The following ESRRG variants were observed in gnomAD, a reference collection of about 807,000 sequenced individuals.
The protein encoded by ESRRG is estrogen related receptor gamma, also known as estrogen-related receptor gamma.
A neutral mutation model predicts 44.0 loss-of-function variants in ESRRG; 13 were observed. The ratio of observed to expected loss-of-function variants is 0.30; its 90% CI spans 0.19 to 0.47. ESRRG has a LOEUF of 0.47. Among genes scored for constraint, ESRRG ranks in the 20% least tolerant of loss-of-function variants. The pLI, the probability that ESRRG is intolerant of heterozygous loss-of-function variation, is 1.00. For synonymous variants in ESRRG, 215 were observed against 214.6 expected, an observed-to-expected ratio of 1.00 and a Z score of -0.02; for missense variants, 395 against 580.6, an observed-to-expected ratio of 0.68 and a Z score of 3.29.
chr1:216,740,184 T>C (rs532432719), intron 2 of ESRRG, among the ~76,000 whole-genome samples: 3 of 152,224 alleles, frequency 2.0e-5, no homozygotes, highest in Non-Finnish European at 4.4e-5. Context: ...GTCTTCTATA[T>C]AATGAAATGC....
Position 216,721,931 on chromosome 1 carries a change from C to T in ESRRG, c.56+1313G>A, listed in dbSNP as rs573385028. ...ACAGCCTTATAATCTTTCAGTTCCTCCTAAATCCATCTCTTGGCTAATATT... is the reference window on the plus strand; with the variant it reads ...ACAGCCTTATAATCTTTCAGTTCCTTCTAAATCCATCTCTTGGCTAATATT... On this transcript the variant is annotated intron_variant, in intron 1 of 6. Transcript: ENST00000408911. 7.2e-5 allele frequency among the ~76,000 whole-genome samples: 11 copies of T among 152,308 alleles called. No homozygotes were observed. In the South Asian group the frequency reaches 8.3e-4, roughly 11 times the overall value.
chr1:217,124,629 T>C (rs935298788), intron 1 of ESRRG, among the ~76,000 whole-genome samples: 1 of 152,120 alleles, frequency 6.6e-6, no homozygotes, highest in Non-Finnish European at 1.5e-5. Flanking sequence ...CACTCTTGAG[T>C]TATCTGAACA....
chr1:216,536,981 G>A (rs573878730), intron 5 of ESRRG, among the ~76,000 whole-genome samples: 1 of 152,036 alleles, frequency 6.6e-6, no homozygotes, highest in African/African-American at 2.4e-5. Flanking sequence ...GGGAGAGGGG[G>A]TCAAGGAAAG....
intron 2 of ESRRG, among the ~76,000 whole-genome samples, chr1:216,815,991 C>A (rs1482930068): frequency 6.6e-6 from 1 of 152,132 alleles, no homozygotes; most frequent in Non-Finnish European, 1.5e-5. Context: ...GCCTGGATAC[C>A]AAATGGCTCA....
intron 2 of ESRRG, among the ~76,000 whole-genome samples, chr1:216,874,955 A>G (rs1413836706): frequency 1.3e-5 from 2 of 152,174 alleles, no homozygotes; most frequent in African/African-American, 4.8e-5. Flanking sequence ...GTGGTTTGCC[A>G]GGGGCTCTTG....
chr1:217,135,194 C>A (rs2093031803), intron 1 of ESRRG, among the ~76,000 whole-genome samples: 1 of 152,000 alleles, frequency 6.6e-6, no homozygotes, highest in Non-Finnish European at 1.5e-5. Flanking sequence ...TCCCCCAGCG[C>A]GCGGGGCAGC....
At chr1:216,627,998 ATTT>A (rs1392394186) in intron 3 of ESRRG, among the ~76,000 whole-genome samples, 1 of 152,162 alleles carries the variant, frequency 6.6e-6, no homozygotes, top group African/African-American at 2.4e-5. Flanking sequence ...CTAGACAGTT[ATTT>A]TACAATATTC....
At chr1:217,108,039 T>C (rs900329027) in intron 1 of ESRRG, among the ~76,000 whole-genome samples, 1 of 152,040 alleles carries the variant, frequency 6.6e-6, no homozygotes, top group African/African-American at 2.4e-5. Flanking sequence ...CCCCATAACC[T>C]ACCAAATTAA....
At chr1:216,672,045 A>G (rs35941999) in intron 2 of ESRRG, among the ~76,000 whole-genome samples, 11 of 102,360 alleles carry the variant, frequency 1.1e-4, no homozygotes, top group East Asian at 2.5e-4. Context: ...AAGGAAAGAA[A>G]GAAGGAAGGA....
At chr1:217,027,195 T>C (rs1438320132) in intron 1 of ESRRG, among the ~76,000 whole-genome samples, 1 of 152,164 alleles carries the variant, frequency 6.6e-6, no homozygotes, top group Non-Finnish European at 1.5e-5. Flanking sequence ...CTAATGTCTA[T>C]AGTAATTCCA....
intron 2 of ESRRG, among the ~76,000 whole-genome samples, chr1:216,814,636 G>C (rs185599381): frequency 6.6e-6 from 1 of 152,030 alleles, no homozygotes; most frequent in Non-Finnish European, 1.5e-5. Flanking sequence ...TTTGAAATGC[G>C]CTTTTTGCTC....
At chr1:217,087,195 T>C (rs1237312919) in intron 1 of ESRRG, among the ~76,000 whole-genome samples, 2 of 152,306 alleles carry the variant, frequency 1.3e-5, no homozygotes, top group African/African-American at 4.8e-5. Flanking sequence ...AACTGAAATG[T>C]CCCTGTAAAC....
intron 3 of ESRRG, among the ~76,000 whole-genome samples, chr1:216,630,440 G>A (rs564328893): frequency 0.022 from 2,695 of 124,402 alleles, 34 homozygotes; most frequent in East Asian, 0.039. Context: ...GCACATGTGC[G>A]TGTGAACACA....
In ESRRG at chr1:216,526,815, G is replaced by T. The variant is rs116254195; in HGVS notation, c.863-7394C>A. On this transcript the variant is annotated intron_variant, in intron 5 of 6. Coordinates refer to ENST00000408911, the MANE Select transcript of ESRRG (RefSeq NM_001438.4). ...ACCTCAGACAAAATCCATGGACTGG[G>T]AGTAAATAGACCTAGAATTGGGTGC... Among the ~76,000 whole-genome samples, 1,225 of 152,250 alleles carry T rather than the reference G, an allele frequency of 8.0e-3. 11 individuals are homozygous for T. The highest frequency in any genetic ancestry group is 0.012 in the Non-Finnish European group (813 of 68,016).
chr1:216,544,211 G>A (rs2053764420), intron 5 of ESRRG, among the ~76,000 whole-genome samples: 1 of 149,588 alleles, frequency 6.7e-6, no homozygotes, highest in African/African-American at 2.6e-5. Flanking sequence ...TTTTCATCAA[G>A]AGTAATAATA....
chr1:216,687,536 G>C (rs2078244592), intron 1 of ESRRG, among the ~76,000 whole-genome samples: 1 of 152,098 alleles, frequency 6.6e-6, no homozygotes, highest in Non-Finnish European at 1.5e-5. Flanking sequence ...ATGCCACGTG[G>C]ATTTGTAAGA....
At chr1:216,675,006 G>T (rs1232222632) in intron 2 of ESRRG, among the ~76,000 whole-genome samples, 3 of 152,094 alleles carry the variant, frequency 2.0e-5, no homozygotes. Context: ...TACAAGTAAG[G>T]ATTGTCACTA....
At chr1:217,114,920 C>T (rs1424887370) in intron 1 of ESRRG, among the ~76,000 whole-genome samples, 1 of 152,124 alleles carries the variant, frequency 6.6e-6, no homozygotes, top group East Asian at 1.9e-4. Context: ...TCCTCAGCCT[C>T]CCAAAGTGCT....
chr1:217,020,876 C>T (rs17635993), intron 1 of ESRRG, among the ~76,000 whole-genome samples: 35,139 of 151,968 alleles, frequency 0.23, 4,510 homozygotes, highest in Middle Eastern at 0.41. Context: ...TTCATCCTGA[C>T]GCATGACATG....
Sources: gnomAD v4.1 joint callset for allele counts (sites outside exome capture counted in the v4.1 genomes callset) on GRCh38, gnomAD v4.1.1 for gene constraint, MANE v1.5 for transcripts, NCBI Gene and HGNC (gene_info 2026-07-23, HGNC 2026-07-21) for gene names.